The following SPATA13 variants were observed in gnomAD, a reference collection of about 807,000 sequenced individuals.
The protein encoded by SPATA13 is spermatogenesis-associated protein 13.
In SPATA13, 50 loss-of-function variants were observed where a neutral mutation model predicts 104.0. That is an observed-to-expected ratio of 0.48 (90% confidence interval 0.38 to 0.61). SPATA13 has a LOEUF of 0.61. Ranked by LOEUF, SPATA13 falls within the 20% of genes least tolerant of loss-of-function variation. SPATA13 has a pLI of 0.00. For synonymous variants in SPATA13, 606 were observed against 667.5 expected, an observed-to-expected ratio of 0.91 and a Z score of 1.42; for missense variants, 1,524 against 1,690.6, an observed-to-expected ratio of 0.90 and a Z score of 1.73.
chr13:24,248,868 G>A (rs9553225), intron 2 of SPATA13, among the ~76,000 whole-genome samples: 45,251 of 151,142 alleles, frequency 0.3, 8,358 homozygotes, highest in East Asian at 0.43. Flanking sequence ...ACTAATTCAC[G>A]ATGGTGCTGA....
intron 9 of SPATA13, 62 bp from the exon 10 acceptor site, chr13:24,294,677 T>G: frequency 6.6e-7 from 1 of 1,520,620 alleles, no homozygotes; most frequent in Non-Finnish European, 8.9e-7. Flanking sequence ...AGTGGATTAT[T>G]TTGCCAGTCC....
intron 4 of SPATA13, among the ~76,000 whole-genome samples, chr13:24,263,518 A>G (rs1345200902): frequency 2.0e-5 from 3 of 152,334 alleles, no homozygotes; most frequent in Middle Eastern, 6.8e-3. Context: ...GGCTGTGCAA[A>G]AGTCCCTGAT....
chr13:24,137,326 C>T (rs1164775636), intron 3 of SPATA13, among the ~76,000 whole-genome samples: 3 of 152,192 alleles, frequency 2.0e-5, no homozygotes, highest in Non-Finnish European at 4.4e-5. Flanking sequence ...TGGGCCTTTG[C>T]TGTCTCTAAG....
intron 3 of SPATA13, among the ~76,000 whole-genome samples, chr13:24,127,938 A>C (rs182053067): frequency 1.3e-5 from 2 of 152,362 alleles, no homozygotes; most frequent in Non-Finnish European, 2.9e-5. Flanking sequence ...CAGAATGATG[A>C]TGTAATGAAC....
intron 3 of SPATA13, among the ~76,000 whole-genome samples, chr13:24,067,151 C>T (rs1261636452): frequency 1.3e-5 from 2 of 152,190 alleles, no homozygotes; most frequent in East Asian, 1.9e-4. Flanking sequence ...ATAGACTTCT[C>T]AGCCCAGGCA....
In SPATA13 at chr13:24,148,273, G is replaced by A. The variant is rs137898967; in HGVS notation, c.-111-74546G>A. ...CTATTGTTAGGGCTCTGGTGATGAA[G>A]TCCTCAGGGTTCAAGGGGTCTCAGT... On this transcript the variant is annotated intron_variant, in intron 3 of 14. Coordinates refer to the SPATA13 transcript ENST00000424834. Among the ~76,000 whole-genome samples, 78 of 152,266 alleles carry A rather than the reference G, an allele frequency of 5.1e-4. 1 individual carries two copies. In the East Asian group the frequency reaches 0.014, roughly 26 times the overall value.
At position 24,302,692 on chromosome 13, in the gene SPATA13, G is replaced by C. The variant is rs1169010015; in HGVS notation, c.3753G>C (p.Gln1251His). 18 of 1,613,956 alleles carry C rather than the reference G, an allele frequency of 1.1e-5. No homozygotes were observed. Among genetic ancestry groups the C allele is most frequent in the Non-Finnish European group, 1.5e-5 (18 of 1,180,042 alleles). Reference sequence around the variant, plus strand: ...TGCCCACAAGCGTCCCCCAGCAGCAGGTCTTTGGCCTGGCGGAACCCAAGA... The same window carrying C: ...TGCCCACAAGCGTCCCCCAGCAGCACGTCTTTGGCCTGGCGGAACCCAAGA... ...ITMPTSVPQQ[Q>H]VFGLAEPKRK... is the part of the protein sequence containing the mutation. Residue 1251 changes from glutamine to histidine, a missense_variant, in exon 13 of 13, where the codon CAG becomes CAC. By Grantham distance (24) the Gln-to-His change is conservative. Transcript: ENST00000382108.
intron 3 of SPATA13, among the ~76,000 whole-genome samples, chr13:24,091,213 G>A (rs1230437629): frequency 6.6e-6 from 1 of 152,226 alleles, no homozygotes; most frequent in East Asian, 1.9e-4. Flanking sequence ...TCAGCAAGAG[G>A]CGAGAGACTA....
At chr13:23,980,653 C>A (rs1042790759) in intron 1 of SPATA13, among the ~76,000 whole-genome samples, 2 of 152,112 alleles carry the variant, frequency 1.3e-5, no homozygotes, top group Non-Finnish European at 1.5e-5. Flanking sequence ...AGGGCAGTGG[C>A]GGATCTTAGC....
chr13:24,195,099 G>T (rs1000749411), intron 1 of SPATA13, among the ~76,000 whole-genome samples: 3 of 152,170 alleles, frequency 2.0e-5, no homozygotes, highest in Non-Finnish European at 2.9e-5. Context: ...CCTGTTAGCA[G>T]TCATTCCCCA....
chr13:23,992,916 G>A lies in SPATA13; in HGVS notation c.-147+8983G>A, dbSNP rs1327492547. 3.3e-5 allele frequency among the ~76,000 whole-genome samples: 5 copies of A among 152,336 alleles called. No individual in the cohort carries two copies. In the East Asian group the frequency reaches 9.6e-4, roughly 29 times the overall value. ...CCTGGCACGGCAAGAGCTAAGAAGT[G>A]TCAGCTACTATTCTTCTGTTTACAA... On this transcript the variant is annotated intron_variant, in intron 2 of 14. Coordinates refer to the SPATA13 transcript ENST00000424834.
intron 1 of SPATA13, among the ~76,000 whole-genome samples, chr13:24,190,828 A>G (rs1869691607): frequency 6.6e-6 from 1 of 152,232 alleles, no homozygotes; most frequent in South Asian, 2.1e-4. Context: ...ATAAAGCAGT[A>G]GCAGGATTTC....
intron 3 of SPATA13, among the ~76,000 whole-genome samples, chr13:24,108,394 C>T (rs1200432895): frequency 6.6e-6 from 1 of 152,164 alleles, no homozygotes; most frequent in Non-Finnish European, 1.5e-5. Flanking sequence ...CCTAGTGGGA[C>T]GTGTGCCTGT....
intron 4 of SPATA13, chr13:24,271,060 C>G: frequency 1.5e-6 from 1 of 684,982 alleles, no homozygotes. Flanking sequence ...CTCTCTCTCA[C>G]TCTCTCTCTT....
chr13:24,090,857 C>G (rs1323033543), intron 3 of SPATA13, among the ~76,000 whole-genome samples: 1 of 152,180 alleles, frequency 6.6e-6, no homozygotes, highest in Non-Finnish European at 1.5e-5. Context: ...CTTTTCATGT[C>G]TCACATCTTC....
intron 1 of SPATA13, among the ~76,000 whole-genome samples, chr13:24,183,531 C>A (rs1208088266): frequency 3.3e-5 from 5 of 152,204 alleles, no homozygotes; most frequent in East Asian, 1.9e-4. Flanking sequence ...GGGCCACATG[C>A]AGCCCAAGAT....
chr13:24,277,566 CA>C (rs1177920463), intron 4 of SPATA13, among the ~76,000 whole-genome samples: 1 of 151,566 alleles, frequency 6.6e-6, no homozygotes, highest in Non-Finnish European at 1.5e-5. Flanking sequence ...CAGATGAGCA[CA>C]GGGGTGGGAG....
intron 1 of SPATA13, among the ~76,000 whole-genome samples, chr13:24,179,157 T>C (rs897592787): frequency 1.2e-4 from 18 of 152,250 alleles, no homozygotes; most frequent in African/African-American, 3.9e-4. Flanking sequence ...ATGTACCTCA[T>C]TGTATGTATT....
intron 1 of SPATA13, among the ~76,000 whole-genome samples, chr13:24,197,968 C>T (rs1169113391): frequency 6.6e-6 from 1 of 151,810 alleles, no homozygotes; most frequent in Non-Finnish European, 1.5e-5. Context: ...CCTCACTTTC[C>T]CATGTTTCCT....
Sources: allele counts gnomAD v4.1 joint callset (sites outside exome capture counted in the v4.1 genomes callset), GRCh38; gene constraint gnomAD v4.1.1; transcripts MANE v1.5; gene names NCBI Gene and HGNC (gene_info 2026-07-23, HGNC 2026-07-21).